The following PPARGC1A variants were observed in gnomAD, a reference collection of about 807,000 sequenced individuals.
The protein encoded by PPARGC1A is peroxisome proliferator-activated receptor gamma coactivator 1-alpha.
Under a neutral mutation model 88.7 loss-of-function variants are expected in PPARGC1A, and 25 were observed. That is an observed-to-expected ratio of 0.28 (90% CI 0.21 to 0.39). PPARGC1A has a LOEUF of 0.39. Among genes scored for constraint, PPARGC1A ranks in the 10% least tolerant of loss-of-function variants. PPARGC1A has a pLI of 1.00. For synonymous variants in PPARGC1A, 363 were observed against 355.6 expected, an observed-to-expected ratio of 1.02 and a Z score of -0.24; for missense variants, 880 against 968.7, an observed-to-expected ratio of 0.91 and a Z score of 1.22.
chr4:23,873,212 A>T lies in PPARGC1A; in HGVS notation c.234+11540T>A, dbSNP rs540002976. 3.2e-3 allele frequency among the ~76,000 whole-genome samples: 465 copies of T among 147,242 alleles called. 42 individuals are homozygous for T. Among genetic ancestry groups the T allele is most frequent in the African/African-American group, 0.011 (443 of 40,702 alleles). On this transcript the variant is annotated intron_variant, in intron 2 of 12. Transcript: ENST00000264867. ...GACTCCGTCTCAAAAATAAAAAATAAAAAATAAAAAATAAAGAAAAAAATG... is the reference window on the plus strand; with the variant it reads ...GACTCCGTCTCAAAAATAAAAAATATAAAATAAAAAATAAAGAAAAAAATG...
the PPARGC1A span, among the ~76,000 whole-genome samples, chr4:24,321,806 T>C: frequency 6.6e-6 from 1 of 152,230 alleles, no homozygotes; most frequent in East Asian, 1.9e-4. Context: ...TTCTTTCCAA[T>C]TCAAATGAAA....
chr4:24,384,936 A>G, the PPARGC1A span, among the ~76,000 whole-genome samples: 1 of 152,232 alleles, frequency 6.6e-6, no homozygotes, highest in Non-Finnish European at 1.5e-5. Context: ...TCAACAGAAT[A>G]TACATTCTTC....
At chr4:24,140,418 C>T in the PPARGC1A span, among the ~76,000 whole-genome samples, 1 of 152,140 alleles carries the variant, frequency 6.6e-6, no homozygotes, top group African/African-American at 2.4e-5. Flanking sequence ...ACAACAATGC[C>T]AAGGATCTGT....
At chr4:24,187,631 A>C in the PPARGC1A span, among the ~76,000 whole-genome samples, 1 of 152,234 alleles carries the variant, frequency 6.6e-6, no homozygotes, top group Non-Finnish European at 1.5e-5. Flanking sequence ...GATCCCTTCA[A>C]GATCAACAAT....
At chr4:24,468,639 T>A in the PPARGC1A span, among the ~76,000 whole-genome samples, 1 of 152,202 alleles carries the variant, frequency 6.6e-6, no homozygotes, top group Non-Finnish European at 1.5e-5. Flanking sequence ...ACAGAACAAG[T>A]AAAAACCTGG....
chr4:23,888,660 G>C (rs1717309718), intron 1 of PPARGC1A, among the ~76,000 whole-genome samples: 1 of 152,174 alleles, frequency 6.6e-6, no homozygotes, highest in African/African-American at 2.4e-5. Context: ...AGGGCAAATG[G>C]AGCCAACATT....
the PPARGC1A span, among the ~76,000 whole-genome samples, chr4:24,390,282 A>G: frequency 5.3e-5 from 8 of 152,216 alleles, no homozygotes; most frequent in East Asian, 1.5e-3. Flanking sequence ...CTATTTGAAA[A>G]TACTATGCTT....
the PPARGC1A span, among the ~76,000 whole-genome samples, chr4:24,028,474 C>T: frequency 6.6e-6 from 1 of 152,116 alleles, no homozygotes; most frequent in Non-Finnish European, 1.5e-5. Flanking sequence ...GAGGAGATGT[C>T]ATTTAATCCT....
chr4:24,322,862 T>C, the PPARGC1A span, among the ~76,000 whole-genome samples: 1 of 152,370 alleles, frequency 6.6e-6, no homozygotes, highest in African/African-American at 2.4e-5. Flanking sequence ...CTCTCCACTT[T>C]GGTCATGCTC....
chr4:24,047,992 A>G, the PPARGC1A span, among the ~76,000 whole-genome samples: 3 of 152,198 alleles, frequency 2.0e-5, no homozygotes, highest in African/African-American at 7.2e-5. Flanking sequence ...GGGCAAATAT[A>G]TATCTCCAGA....
the PPARGC1A span, among the ~76,000 whole-genome samples, chr4:24,283,210 G>A: frequency 0.012 from 1,772 of 152,132 alleles, 37 homozygotes; most frequent in East Asian, 0.1. Context: ...GATTGTTCTC[G>A]ACCACCAAGG....
At chr4:24,239,024 C>T in the PPARGC1A span, among the ~76,000 whole-genome samples, 3 of 152,068 alleles carry the variant, frequency 2.0e-5, no homozygotes, top group Admixed American at 2.0e-4. Flanking sequence ...CACTTTGCTA[C>T]CACAGCACAT....
the PPARGC1A span, among the ~76,000 whole-genome samples, chr4:24,229,502 G>T: frequency 6.6e-6 from 1 of 151,412 alleles, no homozygotes; most frequent in African/African-American, 2.4e-5. Context: ...GCCTGGGTGA[G>T]ACCCACTGGT....
At chr4:24,217,464 G>A in the PPARGC1A span, among the ~76,000 whole-genome samples, 1 of 152,132 alleles carries the variant, frequency 6.6e-6, no homozygotes, top group African/African-American at 2.4e-5. Flanking sequence ...AGGTTTGGAG[G>A]GTGTTGGATG....
the PPARGC1A span, among the ~76,000 whole-genome samples, chr4:24,374,363 G>A: frequency 2.0e-5 from 3 of 151,966 alleles, no homozygotes; most frequent in Admixed American, 2.0e-4. Context: ...AAGAAACCTT[G>A]TGTCCTCATA....
Position 23,831,582 on chromosome 4 carries a change from G to A in PPARGC1A, c.404C>T (p.Pro135Leu), listed in dbSNP as rs1243632497. The change falls in exon 3 of 13, where the codon CCC becomes CTC. Residue 135 changes from proline (P) to leucine (L), a missense_variant. Coordinates refer to ENST00000264867, the MANE Select transcript of PPARGC1A (RefSeq NM_013261.5). ...TAGAGACGGCTCTTCTGCCTCCTGGGGTGGAGGGGTGCCGTCAGGCATGGA... is the reference window on the plus strand; with the variant it reads ...TAGAGACGGCTCTTCTGCCTCCTGGAGTGGAGGGGTGCCGTCAGGCATGGA... ...PSSMPDGTPP[P>L]QEAEEPSLLK... The A allele has an allele frequency of 1.2e-6, 2 of 1,614,060 alleles. No individual in the cohort carries two copies. Among genetic ancestry groups the A allele is most frequent in the Non-Finnish European group, 1.7e-6 (2 of 1,179,972 alleles).
the PPARGC1A span, among the ~76,000 whole-genome samples, chr4:23,961,813 C>T: frequency 6.6e-6 from 1 of 152,274 alleles, no homozygotes; most frequent in East Asian, 1.9e-4. Context: ...TGATGAGATG[C>T]TCATCACAGA....
At chr4:24,156,453 C>T in the PPARGC1A span, among the ~76,000 whole-genome samples, 1 of 151,784 alleles carries the variant, frequency 6.6e-6, no homozygotes, top group African/African-American at 2.4e-5. Context: ...GAAATGTATT[C>T]CATTTTTTGG....
chr4:24,356,839 G>T, the PPARGC1A span, among the ~76,000 whole-genome samples: 166 of 152,316 alleles, frequency 1.1e-3, no homozygotes, highest in Non-Finnish European at 2.1e-3. Context: ...AGAAAACTGA[G>T]ATTTAGATTC....
Sources: gnomAD v4.1 joint callset for allele counts (sites outside exome capture counted in the v4.1 genomes callset) on GRCh38, gnomAD v4.1.1 for gene constraint, MANE v1.5 for transcripts, NCBI Gene and HGNC (gene_info 2026-07-23, HGNC 2026-07-21) for gene names.